Variants in IMMP2L observed in about 807,000 individuals in gnomAD.
IMMP2L encodes mitochondrial inner membrane protease subunit 2.
Under a neutral mutation model 19.3 loss-of-function variants are expected in IMMP2L, and 18 were observed. The ratio of observed to expected loss-of-function variants is 0.93; its 90% confidence interval spans 0.64 to 1.38. The LOEUF is 1.38. Ranked by LOEUF, IMMP2L falls within the 40% of genes most tolerant of loss-of-function variation. The pLI is 0.00. For synonymous variants in IMMP2L, 76 were observed against 73.0 expected (o/e 1.04, Z -0.21); for missense variants, 233 against 218.2 (o/e 1.07, Z -0.43).
At chr7:110,986,255 A>G (rs1336044000) in intron 3 of IMMP2L, among the ~76,000 whole-genome samples, 1 of 151,868 alleles carries the variant, frequency 6.6e-6, no homozygotes, top group Admixed American at 6.6e-5. Context: ...ACACTTGGTT[A>G]GGCAAAGTTC....
intron 1 of IMMP2L, among the ~76,000 whole-genome samples, chr7:111,543,426 G>C (rs1185652631): frequency 6.6e-6 from 1 of 152,050 alleles, no homozygotes; most frequent in Non-Finnish European, 1.5e-5. Flanking sequence ...TAGTTTGCTT[G>C]AGAACAAAAA....
At chr7:110,995,626 G>T (rs1822948130) in intron 3 of IMMP2L, among the ~76,000 whole-genome samples, 1 of 152,072 alleles carries the variant, frequency 6.6e-6, no homozygotes, top group African/African-American at 2.4e-5. Flanking sequence ...AGTTCTTTCT[G>T]GTACAAGCTT....
At chr7:111,540,922 A>G (rs2132960186) in intron 1 of IMMP2L, among the ~76,000 whole-genome samples, 1 of 152,278 alleles carries the variant, frequency 6.6e-6, no homozygotes, top group East Asian at 1.9e-4. Flanking sequence ...GGCTGTATTG[A>G]CAGCCATGCA....
At chr7:111,222,695 T>C (rs577884493) in intron 3 of IMMP2L, among the ~76,000 whole-genome samples, 3 of 152,118 alleles carry the variant, frequency 2.0e-5, no homozygotes, top group South Asian at 4.1e-4. Flanking sequence ...TGAAACATTC[T>C]TATATAAGAA....
chr7:111,052,961 T>C (rs965648814), intron 3 of IMMP2L, among the ~76,000 whole-genome samples: 6 of 152,176 alleles, frequency 3.9e-5, no homozygotes, highest in Non-Finnish European at 8.8e-5. Context: ...CAGCATCAGA[T>C]AAGCTTAGCT....
intron 5 of IMMP2L, among the ~76,000 whole-genome samples, chr7:110,817,944 C>T (rs375036789): frequency 1.3e-5 from 2 of 152,078 alleles, no homozygotes; most frequent in Admixed American, 1.3e-4. Context: ...CTTCCTTACA[C>T]CTTATACAAA....
intron 3 of IMMP2L, among the ~76,000 whole-genome samples, chr7:111,257,349 C>T (rs1816824455): frequency 1.3e-5 from 2 of 152,088 alleles, no homozygotes; most frequent in South Asian, 4.1e-4. Flanking sequence ...ATTCAGGTCA[C>T]CCGTTACTAA....
At chr7:110,791,631 C>T (rs6970864) in intron 5 of IMMP2L, among the ~76,000 whole-genome samples, 9,048 of 151,730 alleles carry the variant, frequency 0.06, 589 homozygotes, top group African/African-American at 0.13. Flanking sequence ...GATCAAAATG[C>T]CAGCTTTATT....
chr7:110,830,998 G>A (rs780621920), intron 5 of IMMP2L, among the ~76,000 whole-genome samples: 6 of 152,278 alleles, frequency 3.9e-5, no homozygotes, highest in South Asian at 4.1e-4. Flanking sequence ...TCCCAAGGCC[G>A]AAATTAAAGT....
chr7:111,372,979 C>A (rs1434518678), intron 3 of IMMP2L, among the ~76,000 whole-genome samples: 1 of 151,948 alleles, frequency 6.6e-6, no homozygotes, highest in Non-Finnish European at 1.5e-5. Flanking sequence ...CTGTTACCCA[C>A]TGGAGGAAGG....
intron 5 of IMMP2L, among the ~76,000 whole-genome samples, chr7:110,688,390 C>T (rs1793261605): frequency 6.6e-6 from 1 of 152,074 alleles, no homozygotes; most frequent in Non-Finnish European, 1.5e-5. Flanking sequence ...GAACAACAAA[C>T]TGCTATGTTT....
At chr7:111,529,723 T>C (rs1847215928) in intron 1 of IMMP2L, among the ~76,000 whole-genome samples, 1 of 152,160 alleles carries the variant, frequency 6.6e-6, no homozygotes, top group South Asian at 2.1e-4. Context: ...CTAAGCCCTA[T>C]AAAATTGCTT....
At chr7:110,862,505 AT>A (rs879399124) in intron 5 of IMMP2L, among the ~76,000 whole-genome samples, 248 of 143,896 alleles carry the variant, frequency 1.7e-3, no homozygotes, top group Middle Eastern at 3.7e-3. Context: ...GGCCCGGCTA[AT>A]TTTTTTTTTT....
chr7:111,055,075 G>C (rs1793378850), intron 3 of IMMP2L, among the ~76,000 whole-genome samples: 1 of 145,726 alleles, frequency 6.9e-6, no homozygotes, highest in Non-Finnish European at 1.5e-5. Context: ...CCCAGAAACA[G>C]GGTGCCACTC....
At position 111,230,744 on chromosome 7, in the gene IMMP2L, G is replaced by A. The variant is rs189196067; in HGVS notation, c.239+256494C>T. On this transcript the variant is annotated intron_variant, in intron 3 of 5. Transcript: ENST00000405709. ...ATGGAGCTTTCAGTTTACTGAGAGT[G>A]TATGAGAGCAAGAAACAGTAATCAA... Among the ~76,000 whole-genome samples, 245 of 152,142 alleles carry A rather than the reference G, an allele frequency of 1.6e-3. 2 individuals carry two copies. The highest frequency in any genetic ancestry group is 1.1e-3 in the Non-Finnish European group (78 of 67,948).
intron 4 of IMMP2L, among the ~76,000 whole-genome samples, chr7:110,956,900 T>A (rs114608990): frequency 0.014 from 2,201 of 152,128 alleles, 54 homozygotes; most frequent in African/African-American, 0.048. Context: ...TTGCTGGAGT[T>A]TAGTGCTTTG....
At chr7:111,454,871 A>C (rs1291485357) in intron 3 of IMMP2L, among the ~76,000 whole-genome samples, 1 of 152,106 alleles carries the variant, frequency 6.6e-6, no homozygotes, top group Non-Finnish European at 1.5e-5. Context: ...AGAAACCATA[A>C]GAAAACATCA....
chr7:110,664,806 T>C (rs1336467372), intron 5 of IMMP2L: 2 of 152,252 alleles, frequency 1.3e-5, no homozygotes, highest in East Asian at 3.8e-4. Context: ...AGTAATACTA[T>C]ATGTCCACTT....
chr7:111,242,244 A>G (rs1258308327), intron 3 of IMMP2L, among the ~76,000 whole-genome samples: 2 of 152,214 alleles, frequency 1.3e-5, no homozygotes, highest in African/African-American at 2.4e-5. Flanking sequence ...TCAGTCATAA[A>G]TCAGTCCCTT....
Sources: allele counts gnomAD v4.1 joint callset (sites outside exome capture counted in the v4.1 genomes callset), GRCh38; gene constraint gnomAD v4.1.1; transcripts MANE v1.5; gene names NCBI Gene and HGNC (gene_info 2026-07-23, HGNC 2026-07-21).